AGBL4: variants seen among roughly 807,000 people sequenced by gnomAD.
The protein encoded by AGBL4 is AGBL carboxypeptidase 4, also known as cytosolic carboxypeptidase 6.
A neutral mutation model predicts 66.4 loss-of-function variants in AGBL4; 58 were observed. The observed-to-expected ratio is 0.87, with a 90% CI of 0.71 to 1.09. The LOEUF is 1.09. Among genes scored for constraint, AGBL4 ranks in the 50% least tolerant of loss-of-function variants. The pLI is 0.00. For missense variants in AGBL4, 579 were observed against 631.0 expected, an observed-to-expected ratio of 0.92 and a Z score of 0.88; for synonymous variants, 234 against 222.9, an observed-to-expected ratio of 1.05 and a Z score of -0.44.
intron 3 of AGBL4, among the ~76,000 whole-genome samples, chr1:49,285,787 C>T (rs1407189466): frequency 3.3e-5 from 5 of 152,128 alleles, no homozygotes; most frequent in African/African-American, 7.2e-5. Context: ...TGGATAAATT[C>T]CTCCACACAT....
chr1:49,687,693 T>C (rs1646812533), intron 3 of AGBL4, among the ~76,000 whole-genome samples: 2 of 151,864 alleles, frequency 1.3e-5, no homozygotes, highest in African/African-American at 2.4e-5. Flanking sequence ...GAGGATTGCT[T>C]GAACCCAGGA....
At chr1:49,556,756 G>A (rs1643911271) in intron 3 of AGBL4, among the ~76,000 whole-genome samples, 1 of 152,160 alleles carries the variant, frequency 6.6e-6, no homozygotes, top group East Asian at 1.9e-4. Context: ...CCTCGGAGCA[G>A]GGGGCGAGGT....
At chr1:48,610,659 G>T (rs1443549279) in intron 9 of AGBL4, among the ~76,000 whole-genome samples, 1 of 152,142 alleles carries the variant, frequency 6.6e-6, no homozygotes, top group Admixed American at 6.5e-5. Context: ...AGATGGAAAG[G>T]TCTGATATTC....
chr1:48,591,050 C>T (rs1644908090), intron 9 of AGBL4, 65 bp from the exon 10 acceptor site: 16 of 1,381,824 alleles, frequency 1.2e-5, no homozygotes, highest in South Asian at 5.6e-5. Flanking sequence ...AGGGACCAGA[C>T]ACTACACTAC....
At chr1:49,559,185 T>C (rs887763564) in intron 3 of AGBL4, among the ~76,000 whole-genome samples, 1 of 152,166 alleles carries the variant, frequency 6.6e-6, no homozygotes, top group Admixed American at 6.6e-5. Context: ...ATGCAGGTTT[T>C]TGTGTCATGC....
chr1:49,281,083 AG>A (rs1184441705), intron 3 of AGBL4, among the ~76,000 whole-genome samples: 3 of 152,206 alleles, frequency 2.0e-5, no homozygotes, highest in African/African-American at 7.2e-5. Context: ...CCTCAAAATA[AG>A]TATTACAGGC....
chr1:48,861,372 A>G (rs1647453204), intron 6 of AGBL4, among the ~76,000 whole-genome samples: 1 of 152,224 alleles, frequency 6.6e-6, no homozygotes, highest in Non-Finnish European at 1.5e-5. Context: ...ATTTCCCTAA[A>G]TTAAAGAAAG....
At chr1:49,118,011 GCTCT>G (rs1645566264) in intron 4 of AGBL4, among the ~76,000 whole-genome samples, 1 of 151,828 alleles carries the variant, frequency 6.6e-6, no homozygotes. Flanking sequence ...TCATGATTTG[GCTCT>G]CTGTCTGTTA....
intron 5 of AGBL4, among the ~76,000 whole-genome samples, chr1:48,996,774 T>C (rs1285818503): frequency 6.7e-6 from 1 of 149,390 alleles, no homozygotes; most frequent in African/African-American, 2.5e-5. Context: ...AAATGATTTA[T>C]AGCCAGAGGA....
At chr1:49,235,096 G>A (rs1253521235) in intron 4 of AGBL4, among the ~76,000 whole-genome samples, 1 of 152,146 alleles carries the variant, frequency 6.6e-6, no homozygotes, top group African/African-American at 2.4e-5. Flanking sequence ...TATAGTAGTT[G>A]GAATATTTAG....
intron 9 of AGBL4, among the ~76,000 whole-genome samples, chr1:48,614,823 G>T (rs1645293557): frequency 6.6e-6 from 1 of 152,172 alleles, no homozygotes; most frequent in Non-Finnish European, 1.5e-5. Flanking sequence ...AAGGAGAGAA[G>T]AAATCAAGAC....
intron 6 of AGBL4, among the ~76,000 whole-genome samples, chr1:48,752,939 G>A (rs867108307): frequency 1.1e-3 from 174 of 152,186 alleles, no homozygotes; most frequent in African/African-American, 4.1e-3. Flanking sequence ...TAGTAGAGGC[G>A]GGGTTTCACC....
intron 1 of AGBL4, among the ~76,000 whole-genome samples, chr1:49,929,937 T>C (rs760181677): frequency 3.9e-5 from 6 of 152,094 alleles, no homozygotes; most frequent in Non-Finnish European, 8.8e-5. Flanking sequence ...TGTGATAAGT[T>C]ACAGATGTAT....
intron 2 of AGBL4, among the ~76,000 whole-genome samples, chr1:49,783,752 T>A (rs951381107): frequency 2.0e-5 from 3 of 151,596 alleles, no homozygotes; most frequent in Non-Finnish European, 2.9e-5. Context: ...ATATAGAAAA[T>A]CCTAAAGAAT....
chr1:49,594,267 T>C (rs933949916), intron 3 of AGBL4, among the ~76,000 whole-genome samples: 4 of 152,232 alleles, frequency 2.6e-5, no homozygotes, highest in African/African-American at 9.6e-5. Flanking sequence ...ACTGGATACC[T>C]GTACAGGAAA....
intron 4 of AGBL4, among the ~76,000 whole-genome samples, chr1:49,212,260 G>A (rs139186001): frequency 2.5e-4 from 38 of 152,196 alleles, no homozygotes; most frequent in African/African-American, 9.1e-4. Context: ...ATGTGTAAAA[G>A]AGGATGACAA....
chr1:48,847,628 G>A (rs7366888), intron 6 of AGBL4, among the ~76,000 whole-genome samples: 148,690 of 152,276 alleles, frequency 0.98, 72,676 homozygotes, highest in East Asian at 1. Flanking sequence ...CCTCAGTATT[G>A]ATTCCTTTTC....
intron 2 of AGBL4, among the ~76,000 whole-genome samples, chr1:49,737,858 T>C (rs929506190): frequency 3.3e-5 from 5 of 152,216 alleles, no homozygotes; most frequent in African/African-American, 1.2e-4. Flanking sequence ...GATGGCCGAA[T>C]AGGAATAGCT....
At chr1:49,952,712 G>A (rs1193287136) in intron 1 of AGBL4, among the ~76,000 whole-genome samples, 1 of 151,858 alleles carries the variant, frequency 6.6e-6, no homozygotes, top group Non-Finnish European at 1.5e-5. Context: ...ACTGCCTACA[G>A]AAGACAGTCC....
Sources: gnomAD v4.1 joint callset for allele counts (sites outside exome capture counted in the v4.1 genomes callset) on GRCh38, gnomAD v4.1.1 for gene constraint, MANE v1.5 for transcripts, NCBI Gene and HGNC (gene_info 2026-07-23, HGNC 2026-07-21) for gene names.